The following PTPRN2 variants were observed in gnomAD, a reference collection of about 807,000 sequenced individuals.
PTPRN2 encodes protein tyrosine phosphatase receptor type N2.
In PTPRN2, 74 loss-of-function variants were observed where a neutral mutation model predicts 118.8. The observed-to-expected ratio is 0.62, with a 90% CI of 0.52 to 0.76. PTPRN2 has a LOEUF of 0.76. PTPRN2 is among the 30% of genes least tolerant of loss of function. The probability of loss-of-function intolerance (pLI) is 0.00; values close to 1 mark genes in which losing one functional copy is unlikely to be tolerated. For missense variants in PTPRN2, 1,481 were observed against 1,394.4 expected (o/e 1.06, Z -0.99); for synonymous variants, 641 against 608.0 (o/e 1.05, Z -0.80).
At chr7:158,053,534 G>C (rs1291477837) in intron 11 of PTPRN2, among the ~76,000 whole-genome samples, 5 of 152,226 alleles carry the variant, frequency 3.3e-5, no homozygotes, top group Non-Finnish European at 7.3e-5. Context: ...GGAACGAATG[G>C]TATGACAAAA....
chr7:158,214,630 C>A (rs978390641), intron 3 of PTPRN2, among the ~76,000 whole-genome samples: 2 of 152,134 alleles, frequency 1.3e-5, no homozygotes, highest in East Asian at 1.9e-4. Context: ...TCCCCTCAGG[C>A]CTACCAGGTA....
At chr7:157,553,925 T>C (rs912760537) in intron 21 of PTPRN2, among the ~76,000 whole-genome samples, 16 of 147,314 alleles carry the variant, frequency 1.1e-4, no homozygotes, top group Non-Finnish European at 4.5e-5. Flanking sequence ...CTGGGCGCCG[T>C]ATCCTGCCCG....
chr7:157,835,926 C>T (rs542395929), intron 12 of PTPRN2, among the ~76,000 whole-genome samples: 1 of 152,182 alleles, frequency 6.6e-6, no homozygotes, highest in Non-Finnish European at 1.5e-5. Context: ...CATTTGAATC[C>T]ACCAGAGCTC....
intron 11 of PTPRN2, among the ~76,000 whole-genome samples, chr7:158,013,141 T>C (rs1233391287): frequency 2.6e-5 from 4 of 152,176 alleles, no homozygotes; most frequent in African/African-American, 9.7e-5. Context: ...AAAGTTAATG[T>C]TACCCCCTCA....
chr7:158,554,790 G>A (rs1003852771), intron 1 of PTPRN2, among the ~76,000 whole-genome samples: 2 of 152,056 alleles, frequency 1.3e-5, no homozygotes, highest in African/African-American at 2.4e-5. Context: ...CCGATCCAGC[G>A]CAGGAGCACA....
intron 1 of PTPRN2, chr7:158,539,490 G>A (rs1825845956): frequency 6.5e-6 from 1 of 152,850 alleles, no homozygotes; most frequent in Admixed American, 6.5e-5. Context: ...TCCTGGATGT[G>A]GTCTCAACAG....
chr7:158,579,148 C>T (rs191433460), intron 1 of PTPRN2, among the ~76,000 whole-genome samples: 2 of 152,214 alleles, frequency 1.3e-5, no homozygotes, highest in African/African-American at 2.4e-5. Flanking sequence ...CCATCAGTTA[C>T]TCTCATCATC....
At chr7:157,547,781 A>G (rs1798396271) in intron 22 of PTPRN2, among the ~76,000 whole-genome samples, 1 of 152,128 alleles carries the variant, frequency 6.6e-6, no homozygotes, top group South Asian at 2.1e-4. Flanking sequence ...TGCCCTGACC[A>G]TGGGGGACGT....
chr7:157,609,090 A>G lies in PTPRN2; in HGVS notation c.2345-5015T>C, dbSNP rs1802175815. Among the ~76,000 whole-genome samples, 1 of 152,170 alleles carries G rather than the reference A, an allele frequency of 6.6e-6. No homozygotes were observed. The highest frequency in any genetic ancestry group is 2.4e-5 in the African/African-American group (1 of 41,438). On this transcript the variant is annotated intron_variant, in intron 15 of 22. Transcript: ENST00000389418. The surrounding 1 kb of genome is among the most constrained non-coding windows in gnomAD (Gnocchi z 4.9). ...TTATCATGCGTTAGTGCCTTGTTCA[A>G]CAATATTTCAGGCCGGCCGCGGTGG...
intron 12 of PTPRN2, among the ~76,000 whole-genome samples, chr7:157,840,183 G>A (rs534181702): frequency 8.1e-5 from 12 of 148,056 alleles, no homozygotes; most frequent in South Asian, 4.4e-4. Flanking sequence ...CTGTGTGACC[G>A]TGTGTGACTG....
intron 12 of PTPRN2, among the ~76,000 whole-genome samples, chr7:157,892,694 C>T (rs938948687): frequency 4.6e-5 from 7 of 151,804 alleles, no homozygotes; most frequent in African/African-American, 1.7e-4. Context: ...CTGAATAAGG[C>T]AATTAAAATT....
intron 11 of PTPRN2, among the ~76,000 whole-genome samples, chr7:157,969,891 T>G (rs1802201161): frequency 6.6e-6 from 1 of 151,402 alleles, no homozygotes; most frequent in East Asian, 1.9e-4. Flanking sequence ...TGGGGGAAAT[T>G]CCCCAAGAAA....
rs62476780 is a variant in PTPRN2, at chr7:157,603,240, C to T, written c.2418+762G>A. 0.036 allele frequency among the ~76,000 whole-genome samples: 5,454 copies of T among 152,220 alleles called. 172 individuals carry two copies. Among genetic ancestry groups the T allele is most frequent in the East Asian group, 0.19 (966 of 5,132 alleles). ...GCCCTCTCCATGCTCATATCTCTCCCTCCTCTGCTCACTCTGGGAGGGCTG... is the reference window on the plus strand; with the variant it reads ...GCCCTCTCCATGCTCATATCTCTCCTTCCTCTGCTCACTCTGGGAGGGCTG... On this transcript the variant is annotated intron_variant, in intron 16 of 22. Coordinates refer to ENST00000389418, the MANE Select transcript of PTPRN2 (RefSeq NM_002847.5). This position sits in a 1 kb window ranked among gnomAD's most constrained non-coding sequence, Gnocchi z 5.4.
At chr7:158,582,546 G>C (rs188817931) in intron 1 of PTPRN2, among the ~76,000 whole-genome samples, 1 of 150,494 alleles carries the variant, frequency 6.6e-6, no homozygotes, top group African/African-American at 2.4e-5. Context: ...TAGCAAGACC[G>C]TCCTCTCTCA....
At chr7:158,070,955 G>A (rs1253670339) in intron 11 of PTPRN2, among the ~76,000 whole-genome samples, 1 of 120,146 alleles carries the variant, frequency 8.3e-6, no homozygotes, top group Non-Finnish European at 1.7e-5. Flanking sequence ...TGCCCGTGGT[G>A]GTGGAGGTGC....
At chr7:158,062,055 C>T (rs1234568756) in intron 11 of PTPRN2, among the ~76,000 whole-genome samples, 1 of 152,276 alleles carries the variant, frequency 6.6e-6, no homozygotes, top group Non-Finnish European at 1.5e-5. Flanking sequence ...GCATCTCGCA[C>T]CTTGGTGCGG....
chr7:157,850,247 A>G (rs535425763), intron 12 of PTPRN2, among the ~76,000 whole-genome samples: 2 of 146,346 alleles, frequency 1.4e-5, no homozygotes, highest in East Asian at 4.1e-4. Context: ...AGGCTCACAT[A>G]AGGGATCCCA....
At chr7:157,924,801 C>A (rs73517059) in intron 11 of PTPRN2, among the ~76,000 whole-genome samples, 4,482 of 152,236 alleles carry the variant, frequency 0.029, 185 homozygotes, top group African/African-American at 0.094. Flanking sequence ...AACACCTCCA[C>A]TGAAGCTCAA....
chr7:158,170,851 A>G (rs1343087476), intron 5 of PTPRN2, among the ~76,000 whole-genome samples: 5 of 152,094 alleles, frequency 3.3e-5, no homozygotes, highest in Non-Finnish European at 7.4e-5. Flanking sequence ...CCTTTGCTTC[A>G]GCACACTATT....
Sources: allele counts gnomAD v4.1 joint callset (sites outside exome capture counted in the v4.1 genomes callset), GRCh38; gene constraint gnomAD v4.1.1; non-coding constraint Gnocchi (gnomAD v3.1); transcripts MANE v1.5; gene names NCBI Gene and HGNC (gene_info 2026-07-23, HGNC 2026-07-21).